Variants in SORCS3 observed in about 807,000 individuals in gnomAD.
SORCS3 encodes sortilin related VPS10 domain containing receptor 3.
In SORCS3, 57 loss-of-function variants were observed where a neutral mutation model predicts 146.3. That is an observed-to-expected ratio of 0.39 (90% CI 0.31 to 0.49). The LOEUF (loss-of-function observed/expected upper bound fraction) is 0.49. SORCS3 is among the 20% of genes least tolerant of loss of function. The pLI is 0.92. For missense variants in SORCS3, 1,341 were observed against 1,575.5 expected (o/e 0.85, Z 2.52); for synonymous variants, 653 against 618.5 (o/e 1.06, Z -0.83).
chr10:105,215,474 G>C (rs994512948), intron 18 of SORCS3, among the ~76,000 whole-genome samples: 12 of 152,190 alleles, frequency 7.9e-5, no homozygotes, highest in Non-Finnish European at 1.8e-4. Flanking sequence ...ACTGGACAGG[G>C]TGGTGAAGGT....
rs79954640 is a variant in SORCS3, at chr10:104,670,721, T to G, written c.627+28767T>G. ...GGCCTTTCTATTTCTGCAAAAAACATCATTGGGATTTTGATAGAGATTGCA... is the reference window on the plus strand; with the variant it reads ...GGCCTTTCTATTTCTGCAAAAAACAGCATTGGGATTTTGATAGAGATTGCA... On this transcript the variant is annotated intron_variant, in intron 1 of 26. Transcript: ENST00000369701. Among the ~76,000 whole-genome samples the G allele has an allele frequency of 8.7e-3, 1,320 of 152,290 alleles. 4 individuals carry two copies. The highest frequency in any genetic ancestry group is 0.037 in the Middle Eastern group (11 of 294).
intron 1 of SORCS3, among the ~76,000 whole-genome samples, chr10:104,832,099 C>T (rs2018006990): frequency 6.6e-6 from 1 of 152,174 alleles, no homozygotes; most frequent in African/African-American, 2.4e-5. Flanking sequence ...ATTTCTACCT[C>T]ATAGTGTGAT....
intron 3 of SORCS3, among the ~76,000 whole-genome samples, chr10:104,937,418 A>G (rs1428351045): frequency 1.3e-5 from 2 of 152,252 alleles, no homozygotes; most frequent in African/African-American, 2.4e-5. Context: ...GAATGCCAGG[A>G]TGCCAAATAT....
At chr10:104,735,456 GT>G (rs56203751) in intron 1 of SORCS3, among the ~76,000 whole-genome samples, 678 of 35,018 alleles carry the variant, frequency 0.019, 51 homozygotes, top group South Asian at 0.029. Flanking sequence ...CTCACCGTCT[GT>G]TTTTTTTTTT....
chr10:105,002,877 A>G (rs946947415), intron 4 of SORCS3, among the ~76,000 whole-genome samples: 8 of 152,208 alleles, frequency 5.3e-5, no homozygotes, highest in African/African-American at 1.9e-4. Context: ...TTGGAACAGC[A>G]AAATAAGGAA....
intron 12 of SORCS3, among the ~76,000 whole-genome samples, chr10:105,165,900 G>C (rs2056308877): frequency 1.3e-5 from 2 of 152,098 alleles, no homozygotes; most frequent in Non-Finnish European, 2.9e-5. Context: ...AAATTAAGAG[G>C]AAAGGATAAG....
intron 5 of SORCS3, among the ~76,000 whole-genome samples, chr10:105,065,662 C>G (rs780277800): frequency 1.3e-5 from 2 of 152,050 alleles, no homozygotes; most frequent in Non-Finnish European, 2.9e-5. Flanking sequence ...GTCATAATAC[C>G]AGCAGAGTCA....
intron 14 of SORCS3, among the ~76,000 whole-genome samples, chr10:105,182,920 C>T (rs1379074591): frequency 1.3e-5 from 2 of 152,076 alleles, no homozygotes; most frequent in Non-Finnish European, 2.9e-5. Context: ...CCAAGCTGTT[C>T]TTGAATTCCT....
At chr10:105,185,862 C>A (rs1054426251) in intron 14 of SORCS3, among the ~76,000 whole-genome samples, 1 of 152,146 alleles carries the variant, frequency 6.6e-6, no homozygotes, top group African/African-American at 2.4e-5. Context: ...TGTGGTATCA[C>A]TTTATATGTT....
chr10:104,977,040 C>A (rs2054902827), intron 3 of SORCS3, among the ~76,000 whole-genome samples: 1 of 151,640 alleles, frequency 6.6e-6, no homozygotes, highest in Admixed American at 6.6e-5. Context: ...GCACATATAC[C>A]CTAAAACTTG....
At chr10:105,123,245 A>G (rs2055948070) in intron 7 of SORCS3, among the ~76,000 whole-genome samples, 1 of 152,238 alleles carries the variant, frequency 6.6e-6, no homozygotes, top group Non-Finnish European at 1.5e-5. Flanking sequence ...ACAGCATAGA[A>G]AGTTTCAAAG....
At chr10:105,199,326 T>A (rs1014927854) in intron 14 of SORCS3, among the ~76,000 whole-genome samples, 1 of 152,112 alleles carries the variant, frequency 6.6e-6, no homozygotes, top group African/African-American at 2.4e-5. Context: ...ATTATCTAAG[T>A]CACAGATGGT....
At chr10:105,112,326 T>A (rs2055864136) in intron 7 of SORCS3, among the ~76,000 whole-genome samples, 1 of 152,154 alleles carries the variant, frequency 6.6e-6, no homozygotes, top group Non-Finnish European at 1.5e-5. Context: ...GTGGGGGGTA[T>A]AAGTTTTGAA....
chr10:104,842,814 T>A lies in SORCS3; in HGVS notation c.650T>A (p.Leu217Gln). The A allele has an allele frequency of 6.2e-7, 1 of 1,613,976 alleles. No homozygotes were observed. Among genetic ancestry groups the A allele is most frequent in the Non-Finnish European group, 8.5e-7 (1 of 1,179,888 alleles). Reference sequence around the variant, plus strand: ...CAGGTCATACTTATCCTGACGAAGCTGTATGACTTCAACCTGGGCAGCGTG... The same window carrying A: ...CAGGTCATACTTATCCTGACGAAGCAGTATGACTTCAACCTGGGCAGCGTG... ...NSSVILILTK[L>Q]YDFNLGSVTE... Residue 217 changes from leucine to glutamine, a missense_variant, in exon 2 of 27, where the codon CTG becomes CAG. Coordinates refer to ENST00000369701, the MANE Select transcript of SORCS3 (RefSeq NM_014978.3).
chr10:104,991,590 C>T (rs1026761980), intron 4 of SORCS3, among the ~76,000 whole-genome samples: 1 of 151,656 alleles, frequency 6.6e-6, no homozygotes, highest in African/African-American at 2.4e-5. Context: ...CAACCTCTGC[C>T]TCCTGGGTTC....
In SORCS3 at chr10:104,953,587, A is replaced by G. The variant is rs140636615; in HGVS notation, c.796-23748A>G. 2.0e-5 allele frequency among the ~76,000 whole-genome samples: 3 copies of G among 152,356 alleles called. No homozygotes were observed. In the East Asian group the frequency reaches 5.8e-4, roughly 29 times the overall value. On this transcript the variant is annotated intron_variant, in intron 3 of 26. Coordinates refer to ENST00000369701, the MANE Select transcript of SORCS3 (RefSeq NM_014978.3). ...TTCCAGGTGCCACCATTGGCTAACAATTATACCATTGGTACCTATGAGATT... is the reference window on the plus strand; with the variant it reads ...TTCCAGGTGCCACCATTGGCTAACAGTTATACCATTGGTACCTATGAGATT...
At chr10:104,929,377 T>C (rs7080542) in intron 3 of SORCS3, among the ~76,000 whole-genome samples, 43,089 of 152,166 alleles carry the variant, frequency 0.28, 8,015 homozygotes, top group African/African-American at 0.53. Context: ...TAGCTGGCTT[T>C]TCTATTCTGG....
At chr10:104,729,222 C>G (rs571256160) in intron 1 of SORCS3, among the ~76,000 whole-genome samples, 1 of 152,218 alleles carries the variant, frequency 6.6e-6, no homozygotes, top group South Asian at 2.1e-4. Flanking sequence ...TTCAGCTAAC[C>G]TCATTTTCTG....
chr10:104,762,636 C>G (rs1304760887), intron 1 of SORCS3, among the ~76,000 whole-genome samples: 2 of 152,176 alleles, frequency 1.3e-5, no homozygotes, highest in African/African-American at 4.8e-5. Context: ...GGGAGGTGAT[C>G]AGATTATGGG....
Sources: gnomAD v4.1 joint callset for allele counts (sites outside exome capture counted in the v4.1 genomes callset) on GRCh38, gnomAD v4.1.1 for gene constraint, MANE v1.5 for transcripts, NCBI Gene and HGNC (gene_info 2026-07-23, HGNC 2026-07-21) for gene names.